The following ELP4 variants were observed in gnomAD, a reference collection of about 807,000 sequenced individuals.
ELP4 encodes the protein elongator acetyltransferase complex subunit 4.
In ELP4, 51 loss-of-function variants were observed where a neutral mutation model predicts 48.9. That is an observed-to-expected ratio of 1.04 (90% CI 0.83 to 1.32). The LOEUF (loss-of-function observed/expected upper bound fraction) is 1.32. ELP4 is among the 40% of genes most tolerant of loss of function. The probability of loss-of-function intolerance (pLI) is 0.00; values close to 1 mark genes in which losing one functional copy is unlikely to be tolerated. For missense variants in ELP4, 519 were observed against 514.6 expected, an observed-to-expected ratio of 1.01 and a Z score of -0.08; for synonymous variants, 210 against 189.2, an observed-to-expected ratio of 1.11 and a Z score of -0.90.
chr11:31,704,999 G>A (rs1946601638), intron 9 of ELP4, among the ~76,000 whole-genome samples: 1 of 147,428 alleles, frequency 6.8e-6, no homozygotes, highest in Admixed American at 6.8e-5. Context: ...AACAGAGCGA[G>A]ACTCCATCTC....
At chr11:31,547,053 C>G (rs1956739324) in intron 3 of ELP4, among the ~76,000 whole-genome samples, 1 of 152,016 alleles carries the variant, frequency 6.6e-6, no homozygotes, top group Admixed American at 6.6e-5. Context: ...AAAATTGACA[C>G]CCTAACATCA....
At chr11:31,782,355 G>A (rs948807091) in intron 9 of ELP4, among the ~76,000 whole-genome samples, 2 of 152,062 alleles carry the variant, frequency 1.3e-5, no homozygotes, top group African/African-American at 4.8e-5. Flanking sequence ...CAAATGAAGG[G>A]TTTCAGCTAG....
chr11:31,772,888 A>G, intron 9 of ELP4, among the ~76,000 whole-genome samples: 1 of 152,246 alleles, frequency 6.6e-6, no homozygotes. Flanking sequence ...AGAAACTGCA[A>G]AAATTATCTG....
At chr11:31,734,740 T>A (rs1431846367) in intron 9 of ELP4, among the ~76,000 whole-genome samples, 1 of 152,184 alleles carries the variant, frequency 6.6e-6, no homozygotes, top group Non-Finnish European at 1.5e-5. Context: ...AAAGAAATAC[T>A]GTGTTCATAG....
At chr11:31,626,016 G>A (rs1407285869) in intron 5 of ELP4, among the ~76,000 whole-genome samples, 1 of 151,812 alleles carries the variant, frequency 6.6e-6, no homozygotes, top group Non-Finnish European at 1.5e-5. Flanking sequence ...GTACACAACA[G>A]CATTCTTTTT....
At chr11:31,776,086 G>A (rs1948240674) in intron 9 of ELP4, among the ~76,000 whole-genome samples, 1 of 151,258 alleles carries the variant, frequency 6.6e-6, no homozygotes, top group African/African-American at 2.4e-5. Context: ...GAGAGGGGAA[G>A]GCTGCAGTGA....
intron 9 of ELP4, among the ~76,000 whole-genome samples, chr11:31,733,276 G>C (rs547745039): frequency 8.0e-4 from 122 of 152,134 alleles, no homozygotes; most frequent in Non-Finnish European, 1.5e-3. Context: ...AGGAGTTCAA[G>C]ACCAGCCTGG....
Position 31,647,849 on chromosome 11 carries a change from G to C in ELP4, c.1036G>C (p.Gly346Arg), listed in dbSNP as rs1490807882. 6.4e-7 allele frequency: 1 copy of C among 1,551,664 alleles called. No individual in the cohort carries two copies. Among genetic ancestry groups the C allele is most frequent in the Admixed American group, 1.7e-5 (1 of 59,646 alleles). Residue 346 changes from glycine to arginine, a missense_variant and splice_region_variant, in exon 8 of 10, where the codon GGA (glycine) becomes CGA (arginine). By Grantham distance (125) the Gly-to-Arg change is moderately radical (BLOSUM62 -2). Transcript: ENST00000640961. Reference sequence around the variant, plus strand: ...TAACCCATTGTATAAGGATTATCATGGTAAGTACAACCTTCATAATGAGAA... The same window carrying C: ...TAACCCATTGTATAAGGATTATCATCGTAAGTACAACCTTCATAATGAGAA... ...ETNPLYKDYHGLIHIRQIPRL... is the reference protein window; with the variant it reads ...ETNPLYKDYHRLIHIRQIPRL...
At chr11:31,621,120 A>G (rs1265534100) in intron 5 of ELP4, among the ~76,000 whole-genome samples, 1 of 151,976 alleles carries the variant, frequency 6.6e-6, no homozygotes, top group Non-Finnish European at 1.5e-5. Flanking sequence ...TTATACAATT[A>G]GTTGAGACAC....
rs199984858 is a variant in ELP4, at chr11:31,685,747, T to C, written c.1143+35526T>C. ...GAGATCGAGATCATCTTGGCTAATA[T>C]GGTGAAACCCCTTCTCTACTAAAAA... On this transcript the variant is annotated intron_variant, in intron 9 of 9. Transcript: ENST00000640961. Among the ~76,000 whole-genome samples, 11 of 152,248 alleles carry C rather than the reference T, an allele frequency of 7.2e-5. No homozygotes were observed. The East Asian group carries it at 2.1e-3, about 29-fold the overall frequency.
chr11:31,685,989 G>A (rs879447721), intron 9 of ELP4, among the ~76,000 whole-genome samples: 4 of 150,890 alleles, frequency 2.7e-5, no homozygotes, highest in East Asian at 1.9e-4. Context: ...ACATTAATAC[G>A]TTTATGTATA....
intron 9 of ELP4, among the ~76,000 whole-genome samples, chr11:31,718,398 T>A (rs1219800881): frequency 6.6e-6 from 1 of 152,246 alleles, no homozygotes; most frequent in Non-Finnish European, 1.5e-5. Context: ...ATTCTGGTGA[T>A]TATTGCTGTG....
chr11:31,718,248 C>A (rs1565125294), intron 9 of ELP4, among the ~76,000 whole-genome samples: 1 of 152,154 alleles, frequency 6.6e-6, no homozygotes, highest in African/African-American at 2.4e-5. Context: ...TAAATGTAGA[C>A]CTTAATATTA....
intron 2 of ELP4, among the ~76,000 whole-genome samples, chr11:31,537,350 T>C (rs1331928658): frequency 1.3e-5 from 2 of 152,258 alleles, no homozygotes; most frequent in East Asian, 1.9e-4. Flanking sequence ...TCTTTTCCAC[T>C]GATATATATT....
chr11:31,672,036 G>A (rs948563283), intron 9 of ELP4, among the ~76,000 whole-genome samples: 1 of 151,888 alleles, frequency 6.6e-6, no homozygotes, highest in Non-Finnish European at 1.5e-5. Flanking sequence ...TTTCTGGGGG[G>A]AGCTTAGAAG....
At position 31,557,801 on chromosome 11, in the gene ELP4, T is replaced by C. The variant is rs1956953518; in HGVS notation, c.381+18018T>C. Among the ~76,000 whole-genome samples, 3 of 152,098 alleles carry C rather than the reference T, an allele frequency of 2.0e-5. 1 individual carries two copies. In the South Asian group the frequency reaches 6.2e-4, roughly 32 times the overall value. ...TATCATGTTATAAACAATTAAAAAT[T>C]ACTTTCTGACCGTTGGTATCAGTCT... On this transcript the variant is annotated intron_variant, in intron 3 of 9. Coordinates refer to ENST00000640961, the MANE Select transcript of ELP4 (RefSeq NM_019040.5).
At chr11:31,680,266 A>C (rs1326359513) in intron 9 of ELP4, among the ~76,000 whole-genome samples, 1 of 152,210 alleles carries the variant, frequency 6.6e-6, no homozygotes, top group Non-Finnish European at 1.5e-5. Context: ...TTGTAACATC[A>C]TTGTGAAGAA....
chr11:31,678,080 A>G (rs1025756128), intron 9 of ELP4, among the ~76,000 whole-genome samples: 1 of 151,986 alleles, frequency 6.6e-6, no homozygotes, highest in African/African-American at 2.4e-5. Context: ...TCAATAAACA[A>G]TTTTGCCTTT....
At chr11:31,708,954 TTAAAA>T (rs1220447076) in intron 9 of ELP4, among the ~76,000 whole-genome samples, 1 of 152,158 alleles carries the variant, frequency 6.6e-6, no homozygotes, top group Non-Finnish European at 1.5e-5. Flanking sequence ...ATATGTAAGA[TTAAAA>T]TTTAGACTTT....
Sources: gnomAD v4.1 joint callset for allele counts (sites outside exome capture counted in the v4.1 genomes callset) on GRCh38, gnomAD v4.1.1 for gene constraint, MANE v1.5 for transcripts, NCBI Gene and HGNC (gene_info 2026-07-23, HGNC 2026-07-21) for gene names.